Variants in QSER1 observed in about 807,000 individuals in gnomAD.
QSER1 encodes glutamine and serine rich 1.
QSER1 carries 49 observed loss-of-function variants against 158.5 expected under a neutral mutation model. The ratio of observed to expected loss-of-function variants is 0.31; its 90% CI spans 0.25 to 0.39. The LOEUF is 0.39. QSER1 is among the 10% of genes least tolerant of loss of function. The pLI is 1.00. For synonymous variants in QSER1, 650 were observed against 715.5 expected, an observed-to-expected ratio of 0.91 and a Z score of 1.46; for missense variants, 1,754 against 2,010.3, an observed-to-expected ratio of 0.87 and a Z score of 2.44.
At chr11:32,935,615 T>C (rs80320265) in intron 4 of QSER1, among the ~76,000 whole-genome samples, 180 bp downstream of exon 4, 2,963 of 152,358 alleles carry the variant, frequency 0.019, 46 homozygotes, top group South Asian at 0.038. Context: ...GAAAGGTCTA[T>C]GTTTTAGGTT....
In QSER1 at chr11:32,965,938, T is replaced by C. The variant is rs548119565; in HGVS notation, c.4970-362T>C. On this transcript the variant is annotated intron_variant, in intron 8 of 12. Coordinates refer to ENST00000650167, the MANE Select transcript of QSER1 (RefSeq NM_001076786.3). ...CCTGGGCAACAAGAGTGAAACTCTG[T>C]CTCAAAACACACACACACACACACA... Among the ~76,000 whole-genome samples the C allele has an allele frequency of 6.0e-3, 239 of 40,086 alleles. No homozygotes were observed. In the Middle Eastern group the frequency reaches 0.083, roughly 14 times the overall value. The allele number at this position is 40,086 out of a possible 152,430, so 26.3% of individuals were successfully genotyped here. A position where few individuals can be genotyped will look rare whatever the true frequency, so the allele number is the denominator to read the frequency against.
chr11:32,892,888 C>T lies in QSER1; in HGVS notation c.-238C>T, dbSNP rs1280194494. Among the ~76,000 whole-genome samples, 1 of 147,796 alleles carries T rather than the reference C, an allele frequency of 6.8e-6. No individual in the cohort carries two copies. The highest frequency in any genetic ancestry group is 2.0e-4 in the East Asian group (1 of 5,012). On this transcript the variant is annotated 5_prime_UTR_variant, in exon 1 of 13. Coordinates refer to ENST00000650167, the MANE Select transcript of QSER1 (RefSeq NM_001076786.3). ...TCGCCGCGAGTCCCGGCCGCGGGTG[C>T]CTCCGCTTCCCTGACGCCCAGCTGG...
At chr11:32,936,752 T>C (rs1442135306) in intron 4 of QSER1, among the ~76,000 whole-genome samples, 1 of 152,202 alleles carries the variant, frequency 6.6e-6, no homozygotes, top group Non-Finnish European at 1.5e-5. Flanking sequence ...ATAAATAGGG[T>C]GGTGCTTTAA....
intron 1 of QSER1, among the ~76,000 whole-genome samples, chr11:32,902,432 T>C (rs1163830890): frequency 6.6e-6 from 1 of 152,206 alleles, no homozygotes; most frequent in Non-Finnish European, 1.5e-5. Context: ...TTATGCTGCT[T>C]GTCCAGTGAG....
At chr11:32,969,169 C>G in intron 10 of QSER1, 26 bp downstream of exon 10, 2 of 1,326,604 alleles carry the variant, frequency 1.5e-6, no homozygotes, top group Non-Finnish European at 2.1e-6. Flanking sequence ...GACTTATTAG[C>G]AAAACTCAAT....
intron 1 of QSER1, among the ~76,000 whole-genome samples, chr11:32,900,584 T>C (rs574536518): frequency 2.0e-5 from 3 of 152,052 alleles, no homozygotes; most frequent in African/African-American, 2.4e-5. Flanking sequence ...GAATGACTTA[T>C]CGTGGCCTAC....
In QSER1 at chr11:32,934,523, T is replaced by A; in HGVS notation, c.3265T>A (p.Ser1089Thr). The change falls in exon 4 of 13, where the codon TCA becomes ACA. Residue 1089 changes from serine (S) to threonine (T), a missense_variant. Ser to Thr is a moderately conservative substitution (Grantham distance 58, BLOSUM62 1). Coordinates refer to ENST00000650167, the MANE Select transcript of QSER1 (RefSeq NM_001076786.3). ...TCAAAATATACCAACTAAAGTAACT[T>A]CAGCAGTGGTTGGACCAAGTCATGA... ...PGQNIPTKVT[S>T]AVVGPSHEVQ... is the part of the protein sequence containing the mutation. 1 of 1,613,572 alleles carries A rather than the reference T, an allele frequency of 6.2e-7. No homozygotes were observed. The highest frequency in any genetic ancestry group is 8.5e-7 in the Non-Finnish European group (1 of 1,179,952).
intron 1 of QSER1, among the ~76,000 whole-genome samples, chr11:32,921,900 G>A (rs1421160623): frequency 6.6e-6 from 1 of 152,186 alleles, no homozygotes; most frequent in Non-Finnish European, 1.5e-5. Flanking sequence ...TGATTTATAT[G>A]AACAGACATT....
Position 32,977,916 on chromosome 11 carries a change from C to T in QSER1, c.*1442C>T, listed in dbSNP as rs114918008. ...TACTGCTCAATGCCCAAATAAGACA[C>T]GCGGATATTGCTATTGTCTTGCTTT... On this transcript the variant is annotated 3_prime_UTR_variant, in exon 13 of 13. Transcript: ENST00000650167. The T allele has an allele frequency of 0.024, 3,599 of 152,620 alleles. 67 individuals are homozygous for T. The highest frequency in any genetic ancestry group is 0.054 in the African/African-American group (2,227 of 41,502). The allele number at this position is 152,620 out of a possible 1,614,324, so 9.5% of individuals were successfully genotyped here.
chr11:32,930,782 T>G (rs574925136), intron 3 of QSER1, among the ~76,000 whole-genome samples: 1 of 152,268 alleles, frequency 6.6e-6, no homozygotes, highest in African/African-American at 2.4e-5. Context: ...ATGCACTCAT[T>G]TCTTTAGAAT....
chr11:32,967,300 A>G (rs1852767024), intron 9 of QSER1, among the ~76,000 whole-genome samples: 1 of 152,160 alleles, frequency 6.6e-6, no homozygotes, highest in South Asian at 2.1e-4. Flanking sequence ...GCAGCGTGGT[A>G]TAATGGACAT....
At chr11:32,936,837 C>A (rs1008409197) in intron 4 of QSER1, among the ~76,000 whole-genome samples, 7 of 152,158 alleles carry the variant, frequency 4.6e-5, no homozygotes, top group African/African-American at 1.4e-4. Context: ...TAAAGTGTTA[C>A]GAGACAGCTG....
At chr11:32,922,148 A>G (rs1040186328) in intron 1 of QSER1, among the ~76,000 whole-genome samples, 2 of 152,210 alleles carry the variant, frequency 1.3e-5, no homozygotes, top group Non-Finnish European at 2.9e-5. Flanking sequence ...AACTTCCAGA[A>G]GAAAACAGAA....
At chr11:32,916,004 C>T (rs542583809) in intron 1 of QSER1, among the ~76,000 whole-genome samples, 1 of 151,642 alleles carries the variant, frequency 6.6e-6, no homozygotes, top group African/African-American at 2.4e-5. Context: ...TGGGTTCAAG[C>T]AGTTCTCCTG....
At chr11:32,913,316 G>C (rs760596959) in intron 1 of QSER1, among the ~76,000 whole-genome samples, 1 of 149,000 alleles carries the variant, frequency 6.7e-6, no homozygotes, top group African/African-American at 2.5e-5. Context: ...TCAGCCTCCC[G>C]AGTAGCTGGG....
At chr11:32,976,225 A>G in intron 12 of QSER1, 109 bp from the exon 13 acceptor site, 1 of 970,692 alleles carries the variant, frequency 1.0e-6, no homozygotes, top group Non-Finnish European at 1.4e-6. Flanking sequence ...AGCTGAAATA[A>G]TCATTCTCCA....
chr11:32,903,408 G>T (rs1317117726), intron 1 of QSER1, among the ~76,000 whole-genome samples: 1 of 148,696 alleles, frequency 6.7e-6, no homozygotes, highest in African/African-American at 2.5e-5. Flanking sequence ...ATGTTGGGAG[G>T]TGATACCAGA....
chr11:32,950,450 GTAT>G (rs1485008216), intron 4 of QSER1, among the ~76,000 whole-genome samples: 2 of 152,082 alleles, frequency 1.3e-5, no homozygotes, highest in Admixed American at 6.5e-5. Context: ...TAGTTCATCA[GTAT>G]TATTCAGACT....
At chr11:32,931,443 G>T (rs779572882) in intron 3 of QSER1, among the ~76,000 whole-genome samples, 2 of 151,940 alleles carry the variant, frequency 1.3e-5, no homozygotes, top group Admixed American at 1.3e-4. Flanking sequence ...CCAGGTTTGG[G>T]AGTATGCGCC....
Sources: gnomAD v4.1 joint callset for allele counts (sites outside exome capture counted in the v4.1 genomes callset) on GRCh38, gnomAD v4.1.1 for gene constraint, MANE v1.5 for transcripts, NCBI Gene and HGNC (gene_info 2026-07-23, HGNC 2026-07-21) for gene names.